The following PCK2 variants were observed in gnomAD, a reference collection of about 807,000 sequenced individuals.
The protein encoded by PCK2 is phosphoenolpyruvate carboxykinase 2, mitochondrial.
PCK2 carries 56 observed loss-of-function variants against 65.9 expected under a neutral mutation model. That is an observed-to-expected ratio of 0.85 (90% CI 0.69 to 1.06). The LOEUF is 1.06. PCK2 is among the 50% of genes least tolerant of loss of function. The pLI is 0.00. For synonymous variants in PCK2, 305 were observed against 319.6 expected (o/e 0.95, Z 0.49); for missense variants, 843 against 863.1 (o/e 0.98, Z 0.29).
intron 4 of PCK2, 93 bp downstream of exon 4, chr14:24,098,771 T>C (rs1459728792): frequency 9.1e-6 from 10 of 1,093,006 alleles, no homozygotes; most frequent in Non-Finnish European, 1.2e-5. Context: ...CCTAAGAACC[T>C]GTCCTCTCTG....
intron 7 of PCK2, 171 bp from the exon 8 acceptor site, chr14:24,102,582 G>C: frequency 1.6e-6 from 1 of 618,818 alleles, no homozygotes; most frequent in East Asian, 2.6e-5. Flanking sequence ...AACAACCTGA[G>C]CTCTTGGAGA....
At position 24,097,019 on chromosome 14, in the gene PCK2, C is replaced by T. The variant is rs201059299; in HGVS notation, c.157C>T (p.Arg53Cys). Residue 53 changes from arginine (R) to cysteine (C), a missense_variant, in exon 2 of 10, where the codon CGC (arginine) becomes TGC (cysteine). Transcript: ENST00000216780. Reference protein sequence around the residue: ...GIRDFVEHSARLCQPEGIHIC... With the variant: ...GIRDFVEHSACLCQPEGIHIC... The stretch of plus-strand genomic sequence containing the variant: ...TCGAGATTTTGTAGAGCACAGTGCC[C>T]GCCTGTGCCAACCAGAGGGCATCCA... 2.8e-5 allele frequency: 45 copies of T among 1,613,388 alleles called. No individual in the cohort carries two copies. In the East Asian group the frequency reaches 4.9e-4, roughly 18 times the overall value.
In PCK2 at chr14:24,094,343, G is replaced by T; in HGVS notation, c.-63G>T. On this transcript the variant is annotated 5_prime_UTR_variant, in exon 1 of 10. Transcript: ENST00000216780. The surrounding 1 kb of genome is among the most constrained non-coding windows in gnomAD (Gnocchi z 4.1). ...GCTTCGCCGCGCTCCCTCCTTCCCC[G>T]CCTTCCATACCTCCCCGGCTCCGCT... 6.8e-7 allele frequency: 1 copy of T among 1,467,698 alleles called. No individual in the cohort carries two copies. The highest frequency in any genetic ancestry group is 1.9e-4 in the Middle Eastern group (1 of 5,264). 90.9% of individuals were successfully genotyped at this position (1,467,698 alleles called of 1,614,324 possible). A position where few individuals can be genotyped will look rare whatever the true frequency, so the allele number is the denominator to read the frequency against.
intron 2 of PCK2, 91 bp downstream of exon 2, chr14:24,097,228 A>C: frequency 2.5e-6 from 3 of 1,185,324 alleles, no homozygotes; most frequent in Non-Finnish European, 3.7e-6. Flanking sequence ...GAACATCCCA[A>C]TGGAATGAAC....
chr14:24,100,523 T>TA (rs1306568320), intron 7 of PCK2: 1 of 929,246 alleles, frequency 1.1e-6, no homozygotes, highest in African/African-American at 1.7e-5. Context: ...AAAAAGGGTT[T>TA]ATCACACTGA....
Position 24,103,852 on chromosome 14 carries a change from A to G in PCK2, c.1811A>G (p.Glu604Gly). 6.2e-7 allele frequency: 1 copy of G among 1,614,146 alleles called. No individual in the cohort carries two copies. The highest frequency in any genetic ancestry group is 1.1e-5 in the South Asian group (1 of 91,086). Residue 604 changes from glutamate to glycine, a missense_variant, in exon 10 of 10, where the codon GAA becomes GGA. By Grantham distance (98) the Glu-to-Gly change is moderately conservative. Coordinates refer to ENST00000216780, the MANE Select transcript of PCK2 (RefSeq NM_004563.4). ...QLFSLPKDFW[E>G]QEVRDIRSYL... ...TTCTCCCTCCCCAAGGACTTCTGGG[A>G]ACAGGAGGTTCGTGACATTCGGAGC...
At chr14:24,103,002 T>C in intron 8 of PCK2, 112 bp downstream of exon 8, 2 of 1,316,892 alleles carry the variant, frequency 1.5e-6, no homozygotes, top group Non-Finnish European at 1.1e-6. Flanking sequence ...TTCTCCAGAG[T>C]TCTCCCCTGG....
In PCK2 at chr14:24,099,678, T is replaced by C. The variant is rs1229361118; in HGVS notation, c.973T>C (p.Cys325Arg). 2 of 1,612,912 alleles carry C rather than the reference T, an allele frequency of 1.2e-6. No individual in the cohort carries two copies. Among genetic ancestry groups the C allele is most frequent in the African/African-American group, 2.7e-5 (2 of 74,648 alleles). Residue 325 changes from cysteine (C) to arginine (R), a missense_variant, in exon 6 of 10, where the codon TGT (cysteine) becomes CGT (arginine). Cys to Arg is a radical substitution (Grantham distance 180, BLOSUM62 -3). Coordinates refer to ENST00000216780, the MANE Select transcript of PCK2 (RefSeq NM_004563.4). ...RPALPGWKVE[C>R]VGDDIAWMRF... ...TGCACTGCCAGGCTGGAAAGTGGAG[T>C]GTGTGGGGGATGATATTGCTTGGAT...
At position 24,094,683 on chromosome 14, in the gene PCK2, T is replaced by C. The variant is rs1209114262; in HGVS notation, c.29+249T>C. The C allele has an allele frequency of 2.0e-6, 3 of 1,520,710 alleles. No homozygotes were observed. The highest frequency in any genetic ancestry group is 1.4e-5 in the African/African-American group (1 of 72,652). 94.2% of individuals were successfully genotyped at this position (1,520,710 alleles called of 1,614,324 possible). Reference sequence around the variant, plus strand: ...CGCTCGCCTCTGACCGCGCGATCTCTATCTGCCACTCTCAGAACTTCCTCT... The same window carrying C: ...CGCTCGCCTCTGACCGCGCGATCTCCATCTGCCACTCTCAGAACTTCCTCT... On this transcript the variant is annotated intron_variant, in intron 1 of 9. Transcript: ENST00000216780. The surrounding 1 kb of genome is among the most constrained non-coding windows in gnomAD (Gnocchi z 4.1).
At chr14:24,102,045 G>A (rs559394412) in intron 7 of PCK2, among the ~76,000 whole-genome samples, 21 of 151,670 alleles carry the variant, frequency 1.4e-4, no homozygotes, top group Non-Finnish European at 2.7e-4. Flanking sequence ...GGCCAACATG[G>A]TGAAACCCCA....
rs967821956 is a variant in PCK2, at chr14:24,096,777, C to T, written c.30-115C>T. On this transcript the variant is annotated intron_variant, in intron 1 of 9. Coordinates refer to ENST00000216780, the MANE Select transcript of PCK2 (RefSeq NM_004563.4). ...CCAACTGCAACCTGCTCTTCATGGT[C>T]CCTGCATGCAGACATGTTTTAGCAG... is the stretch of plus-strand genomic sequence containing the variant. 3.6e-5 allele frequency: 31 copies of T among 853,822 alleles called. No individual in the cohort carries two copies. In the Admixed American group the frequency reaches 5.8e-4, roughly 16 times the overall value. The allele number at this position is 853,822 out of a possible 1,614,324, so 52.9% of individuals were successfully genotyped here.
intron 7 of PCK2, among the ~76,000 whole-genome samples, chr14:24,102,284 G>C (rs370295753): frequency 1.3e-5 from 2 of 152,182 alleles, no homozygotes; most frequent in African/African-American, 4.8e-5. Context: ...AGGAGAACCT[G>C]TCTTCCCCGG....
At position 24,094,974 on chromosome 14, in the gene PCK2, C is replaced by G. The variant is rs1220911627; in HGVS notation, c.29+540C>G. ...GGAAGTCCAGAGCAGCCCGAGGGACCTGGGCCCAGGGGAGGGAGGCAAGCA... is the reference window on the plus strand; with the variant it reads ...GGAAGTCCAGAGCAGCCCGAGGGACGTGGGCCCAGGGGAGGGAGGCAAGCA... On this transcript the variant is annotated intron_variant, in intron 1 of 9. Coordinates refer to ENST00000216780, the MANE Select transcript of PCK2 (RefSeq NM_004563.4). The surrounding 1 kb of genome is among the most constrained non-coding windows in gnomAD (Gnocchi z 4.1). 1.4e-6 allele frequency: 1 copy of G among 738,418 alleles called. No homozygotes were observed. The highest frequency in any genetic ancestry group is 6.5e-5 in the East Asian group (1 of 15,380). The allele number at this position is 738,418 out of a possible 1,614,324, so 45.7% of individuals were successfully genotyped here. A position where few individuals can be genotyped will look rare whatever the true frequency, so the allele number is the denominator to read the frequency against.
intron 9 of PCK2, 60 bp from the exon 10 acceptor site, chr14:24,103,450 G>A: frequency 1.4e-6 from 2 of 1,405,644 alleles, no homozygotes; most frequent in Non-Finnish European, 9.8e-7. Flanking sequence ...CTGGATGCAG[G>A]GTGCCCTTCC....
Position 24,094,413 on chromosome 14 carries a change from C to A in PCK2, c.8C>A (p.Ala3Glu), listed in dbSNP as rs1217138597. The A allele has an allele frequency of 1.9e-6, 3 of 1,561,092 alleles. No homozygotes were observed. Among genetic ancestry groups the A allele is most frequent in the Middle Eastern group, 1.7e-4 (1 of 5,740 alleles). The change falls in exon 1 of 10, where the codon GCA becomes GAA. Residue 3 changes from alanine to glutamate, a missense_variant. Ala to Glu is a moderately radical substitution (Grantham distance 107). Coordinates refer to ENST00000216780, the MANE Select transcript of PCK2 (RefSeq NM_004563.4). This position sits in a 1 kb window ranked among gnomAD's most constrained non-coding sequence, Gnocchi z 4.1. MA[A>E]LYRPGLRLNW... is the part of the protein sequence containing the mutation. ...AGCCCCTGCCCAGGTGCCATGGCCG[C>A]ATTGTACCGCCCTGGCCTGCGGTGA...
At chr14:24,100,360 A>C (rs961762418) in intron 7 of PCK2, 147 bp downstream of exon 7, 9 of 1,456,780 alleles carry the variant, frequency 6.2e-6, no homozygotes, top group Non-Finnish European at 8.2e-6. Context: ...TCCCAGGCAA[A>C]ATCTCAGTTC....
At chr14:24,099,433 G>A in intron 5 of PCK2, 125 bp from the exon 6 acceptor site, 1 of 1,046,552 alleles carries the variant, frequency 9.6e-7, no homozygotes, top group East Asian at 2.4e-5. Context: ...CTGATGGCAG[G>A]GCAATCACTT....
chr14:24,101,342 G>A (rs2037153490), intron 7 of PCK2, among the ~76,000 whole-genome samples: 1 of 152,206 alleles, frequency 6.6e-6, no homozygotes, highest in Non-Finnish European at 1.5e-5. Context: ...TGGCGGATGG[G>A]AGAGGGTGGG....
In PCK2 at chr14:24,103,559, C is replaced by A; in HGVS notation, c.1518C>A (p.Tyr506Ter). ...DPFAMRPFFG[Y>*]NFGHYLEHWL... ...TTGCCATGCGGCCCTTTTTTGGCTA[C>A]AACTTCGGGCACTACCTGGAACACT... Residue 506 changes from tyrosine (Y) to a stop codon, truncating the protein, a stop_gained, in exon 10 of 10, where the codon TAC (tyrosine) becomes TAA (stop). Coordinates refer to ENST00000216780, the MANE Select transcript of PCK2 (RefSeq NM_004563.4). LOFTEE classifies it high-confidence loss of function. The A allele has an allele frequency of 6.4e-7, 1 of 1,570,826 alleles. No homozygotes were observed. The highest frequency in any genetic ancestry group is 8.6e-7 in the Non-Finnish European group (1 of 1,157,832).
Sources: gnomAD v4.1 joint callset for allele counts (sites outside exome capture counted in the v4.1 genomes callset) on GRCh38, gnomAD v4.1.1 for gene constraint, Gnocchi (gnomAD v3.1) non-coding constraint, MANE v1.5 for transcripts, NCBI Gene and HGNC (gene_info 2026-07-23, HGNC 2026-07-21) for gene names.